USP30: variants seen among roughly 807,000 people sequenced by gnomAD.
USP30 encodes ubiquitin specific peptidase 30.
Under a neutral mutation model 68.2 loss-of-function variants are expected in USP30, and 41 were observed. That is an observed-to-expected ratio of 0.60 (90% CI 0.47 to 0.78). USP30 has a LOEUF of 0.78. Among genes scored for constraint, USP30 ranks in the 30% least tolerant of loss-of-function variants. USP30 has a pLI of 0.00. For missense variants in USP30, 522 were observed against 649.4 expected (o/e 0.80, Z 2.13); for synonymous variants, 229 against 253.7 (o/e 0.90, Z 0.93).
rs1057147111 is a variant in USP30 at position 109,052,742 on chromosome 12, C to T, written c.64C>T (p.Arg22Trp). The T allele has an allele frequency of 2.1e-6, 3 of 1,456,586 alleles. No homozygotes were observed. Among genetic ancestry groups the T allele is most frequent in the South Asian group, 1.4e-5 (1 of 70,252 alleles). 90.2% of individuals were successfully genotyped at this position (1,456,586 alleles called of 1,614,324 possible). A position where few individuals can be genotyped will look rare whatever the true frequency, so the allele number is the denominator to read the frequency against. ...AADRAIQRFL[R>W]TGAAVRYKVM... ...CGACAGGGCCATCCAGCGCTTCCTG[C>T]GGACCGGGGCGGCCGTCAGGTGAGA... The change falls in exon 1 of 13, where the codon CGG becomes TGG. Residue 22 changes from arginine to tryptophan, a missense_variant. Physicochemically the swap from Arg to Trp is moderately radical, Grantham distance 101. Transcript: ENST00000257548.
intron 3 of USP30, among the ~76,000 whole-genome samples, chr12:109,037,494 T>C (rs1406321781): frequency 6.6e-6 from 1 of 152,224 alleles, no homozygotes; most frequent in Non-Finnish European, 1.5e-5. Flanking sequence ...GTCATTATTT[T>C]TTATTGAATG....
At position 109,084,250 on chromosome 12, in the gene USP30, C is replaced by A. The variant is rs561667639; in HGVS notation, c.1169-703C>A. On this transcript the variant is annotated intron_variant, in intron 11 of 12. Coordinates refer to ENST00000257548, the MANE Select transcript of USP30 (RefSeq NM_032663.5). ...CTAAAACACACACAAAAAATGTCAT[C>A]AGGAAACTACTTGGTACATAACAGC... is the stretch of plus-strand genomic sequence containing the variant. Among the ~76,000 whole-genome samples the A allele has an allele frequency of 7.2e-4, 109 of 152,250 alleles. 1 individual carries two copies. Among genetic ancestry groups the A allele is most frequent in the African/African-American group, 2.1e-3 (89 of 41,550 alleles).
chr12:109,063,839 T>A (rs916552486), intron 3 of USP30, among the ~76,000 whole-genome samples: 1 of 152,098 alleles, frequency 6.6e-6, no homozygotes, highest in Non-Finnish European at 1.5e-5. Context: ...TTGGGAGAAA[T>A]GTCTGTTCAA....
rs77428001 is a variant in USP30, at chr12:109,044,891, A to C, written c.-135-2699A>C. ...CATATACCATCATCATTATGTTATC[A>C]CACTTTTTCATGCTTTATTAATCTG... On this transcript the variant is annotated intron_variant, in intron 3 of 15. Transcript: ENST00000392784. 5.6e-3 allele frequency among the ~76,000 whole-genome samples: 847 copies of C among 151,982 alleles called. 10 individuals carry two copies. Among genetic ancestry groups the C allele is most frequent in the African/African-American group, 0.019 (786 of 41,406 alleles).
In USP30 at chr12:109,070,095, A is replaced by C. The variant is rs2041389215; in HGVS notation, c.481-1517A>C. Among the ~76,000 whole-genome samples the C allele has an allele frequency of 6.6e-6, 1 of 151,912 alleles. No individual in the cohort carries two copies. The highest frequency in any genetic ancestry group is 1.5e-5 in the Non-Finnish European group (1 of 67,980). On this transcript the variant is annotated intron_variant, in intron 4 of 12. Coordinates refer to ENST00000257548, the MANE Select transcript of USP30 (RefSeq NM_032663.5). This position sits in a 1 kb window ranked among gnomAD's most constrained non-coding sequence, Gnocchi z 4.0. Reference sequence around the variant, plus strand: ...GTTTGCAGCGGGGAGCCACTAGAGGACTTTGAACTGGGGACTGGTTTGATC... The same window carrying C: ...GTTTGCAGCGGGGAGCCACTAGAGGCCTTTGAACTGGGGACTGGTTTGATC...
chr12:109,053,847 C>T, intron 1 of USP30: 2 of 319,804 alleles, frequency 6.3e-6, no homozygotes, highest in South Asian at 2.5e-5. Context: ...TCCTCTCTCC[C>T]ATCCCCTTGA....
In USP30 at chr12:109,086,881, G is replaced by A. The variant is rs1454282095; in HGVS notation, c.*950G>A. 6.6e-6 allele frequency: 1 copy of A among 152,212 alleles called. No individual in the cohort carries two copies. The highest frequency in any genetic ancestry group is 2.4e-5 in the African/African-American group (1 of 41,444). 9.4% of individuals were successfully genotyped at this position (152,212 alleles called of 1,614,324 possible). On this transcript the variant is annotated 3_prime_UTR_variant, in exon 13 of 13. Transcript: ENST00000257548. ...AGTTGACACCTGGCTTAGGAAGGAA[G>A]GGCTGACTATGGGGCTGCAGTCTCT...
chr12:109,055,835 G>GA (rs921753318), intron 1 of USP30, among the ~76,000 whole-genome samples: 1 of 148,474 alleles, frequency 6.7e-6, no homozygotes, highest in South Asian at 2.1e-4. Flanking sequence ...AAAAAGAAAA[G>GA]AAAAAAAACA....
chr12:109,041,550 G>A (rs538090542), intron 3 of USP30, among the ~76,000 whole-genome samples: 37 of 151,972 alleles, frequency 2.4e-4, no homozygotes, highest in African/African-American at 8.7e-4. Flanking sequence ...CAGAGGAATC[G>A]CTTGAACCTG....
chr12:109,033,467 A>G (rs929987227), intron 3 of USP30, among the ~76,000 whole-genome samples: 4 of 152,192 alleles, frequency 2.6e-5, no homozygotes, highest in Non-Finnish European at 4.4e-5. Context: ...AGGTTACAGC[A>G]GGCAGTTTGA....
At chr12:109,074,638 T>C (rs894526460) in intron 7 of USP30, among the ~76,000 whole-genome samples, 4 of 152,208 alleles carry the variant, frequency 2.6e-5, no homozygotes, top group African/African-American at 9.6e-5. Flanking sequence ...CCCAGTTTTA[T>C]TGAGATCTAA....
chr12:109,041,228 G>A (rs1253922394), intron 3 of USP30, among the ~76,000 whole-genome samples: 4 of 152,174 alleles, frequency 2.6e-5, no homozygotes, highest in South Asian at 2.1e-4. Context: ...TGACTTTCAG[G>A]CAAATGCAAT....
intron 3 of USP30, among the ~76,000 whole-genome samples, chr12:109,037,511 A>G (rs149453224): frequency 0.019 from 2,864 of 152,106 alleles, 42 homozygotes; most frequent in Middle Eastern, 0.065. Context: ...AATGCTGAGC[A>G]TTTTATATAA....
At chr12:109,067,396 C>A in intron 3 of USP30, 128 bp from the exon 4 acceptor site, 1 of 723,416 alleles carries the variant, frequency 1.4e-6, no homozygotes, top group Non-Finnish European at 2.2e-6. Context: ...GGATTACAGG[C>A]ATGAGCCACC....
chr12:109,082,289 CATTTG>C (rs1430245508), intron 9 of USP30, among the ~76,000 whole-genome samples: 1 of 152,186 alleles, frequency 6.6e-6, no homozygotes, highest in African/African-American at 2.4e-5. Context: ...CCTCCAATCC[CATTTG>C]TTTTACACCC....
intron 3 of USP30, among the ~76,000 whole-genome samples, chr12:109,058,945 T>C (rs747366063): frequency 6.6e-6 from 1 of 152,216 alleles, no homozygotes; most frequent in Non-Finnish European, 1.5e-5. Context: ...GTGCCACTTT[T>C]CTGGAAAGCA....
At chr12:109,071,337 G>GCC (rs1438053157) in intron 4 of USP30, among the ~76,000 whole-genome samples, 1 of 152,204 alleles carries the variant, frequency 6.6e-6, no homozygotes, top group Non-Finnish European at 1.5e-5. Flanking sequence ...GGAGGTCAAG[G>GCC]CTGTCTCAGT....
At chr12:109,053,082 C>A (rs2135695828) in intron 1 of USP30, 1 of 247,628 alleles carries the variant, frequency 4.0e-6, no homozygotes. Flanking sequence ...CCTTTCAGTG[C>A]CTCCTAGGCC....
At chr12:109,073,352 C>A in intron 6 of USP30, 86 bp from the exon 7 acceptor site, 1 of 929,722 alleles carries the variant, frequency 1.1e-6, no homozygotes, top group East Asian at 2.5e-5. Context: ...GAGGTAGTTT[C>A]TACCACATGC....
Sources: allele counts gnomAD v4.1 joint callset (sites outside exome capture counted in the v4.1 genomes callset), GRCh38; gene constraint gnomAD v4.1.1; non-coding constraint Gnocchi (gnomAD v3.1); transcripts MANE v1.5; gene names NCBI Gene and HGNC (gene_info 2026-07-23, HGNC 2026-07-21).